The following TASOR2 variants were observed in gnomAD, a reference collection of about 807,000 sequenced individuals.
TASOR2 encodes transcription activation suppressor family member 2, also known as protein TASOR 2.
Under a neutral mutation model 199.5 loss-of-function variants are expected in TASOR2, and 84 were observed. That is an observed-to-expected ratio of 0.42 (90% CI 0.35 to 0.50). The LOEUF (loss-of-function observed/expected upper bound fraction) is 0.50. Among genes scored for constraint, TASOR2 ranks in the 20% least tolerant of loss-of-function variants. The pLI, the probability that TASOR2 is intolerant of heterozygous loss-of-function variation, is 0.02. For missense variants in TASOR2, 2,796 were observed against 2,835.9 expected, an observed-to-expected ratio of 0.99 and a Z score of 0.32; for synonymous variants, 1,103 against 1,046.6, an observed-to-expected ratio of 1.05 and a Z score of -1.04.
intron 12 of TASOR2, among the ~76,000 whole-genome samples, chr10:5,739,247 T>C (rs921793286): frequency 9.2e-5 from 14 of 152,102 alleles, no homozygotes; most frequent in Admixed American, 2.0e-4. Flanking sequence ...CTTTTTTGGG[T>C]TTTTTTGTTT....
Position 5,740,079 on chromosome 10 carries a change from G to A in TASOR2, c.1909G>A (p.Glu637Lys), listed in dbSNP as rs1836182653. The change falls in exon 13 of 21, where the codon GAA becomes AAA. Residue 637 changes from glutamate to lysine, a missense_variant. By Grantham distance (56) the Glu-to-Lys change is moderately conservative. Transcript: ENST00000328090. This position sits in a 1 kb window ranked among gnomAD's most constrained non-coding sequence, Gnocchi z 5.3. ...TAAAGCCCAGTCAGCACTTACTGAG[G>A]AAATGCTAGAATCTTCAGATGCAAG... 1 of 1,614,054 alleles carries A rather than the reference G, an allele frequency of 6.2e-7. No individual in the cohort carries two copies. The highest frequency in any genetic ancestry group is 8.5e-7 in the Non-Finnish European group (1 of 1,180,026).
At position 5,748,340 on chromosome 10, in the gene TASOR2, C is replaced by T. The variant is rs374079479; in HGVS notation, c.4919C>T (p.Ser1640Leu). ...CAGGTGAAGTCCTTGACAGCTGCCTCGGTTGATGGAGCTTATTCTACACAG... is the reference window on the plus strand; with the variant it reads ...CAGGTGAAGTCCTTGACAGCTGCCTTGGTTGATGGAGCTTATTCTACACAG... Residue 1640 changes from serine to leucine, a missense_variant, in exon 15 of 21, where the codon TCG (serine) becomes TTG (leucine). Transcript: ENST00000328090. This position sits in a 1 kb window ranked among gnomAD's most constrained non-coding sequence, Gnocchi z 5.1. 41 of 1,614,082 alleles carry T rather than the reference C, an allele frequency of 2.5e-5. 1 individual carries two copies. The South Asian group carries it at 4.0e-4, about 16-fold the overall frequency.
At chr10:5,759,034 G>A (rs764791374) in intron 18 of TASOR2, 42 bp downstream of exon 19, 278 of 1,445,566 alleles carry the variant, frequency 1.9e-4, no homozygotes, top group Non-Finnish European at 2.6e-4. Context: ...GCCCTGCTGG[G>A]GTAGCAGAGA....
intron 3 of TASOR2, among the ~76,000 whole-genome samples, chr10:5,718,495 C>T (rs12247193): frequency 0.034 from 5,212 of 151,670 alleles, 226 homozygotes; most frequent in African/African-American, 0.099. Flanking sequence ...TGCCTGTAAT[C>T]CCAGCACTTT....
chr10:5,739,839 C>T, exon 13 of TASOR2: 1 of 1,614,178 alleles, frequency 6.2e-7, no homozygotes, highest in South Asian at 1.1e-5. Flanking sequence ...GGCTAGAAAT[C>T]TTCACTGTTC....
At chr10:5,744,959 G>A (rs1003411330) in intron 14 of TASOR2, among the ~76,000 whole-genome samples, 41 of 152,290 alleles carry the variant, frequency 2.7e-4, no homozygotes, top group African/African-American at 9.1e-4. Context: ...CAAGAGATTT[G>A]GAACACAGTT....
At chr10:5,688,584 T>C (rs1836063978) in intron 1 of TASOR2, among the ~76,000 whole-genome samples, 1 of 152,122 alleles carries the variant, frequency 6.6e-6, no homozygotes, top group East Asian at 1.9e-4. Context: ...AATGAACTTC[T>C]CATGCTCTGA....
In TASOR2 at chr10:5,737,241, C is replaced by G. The variant is rs1447456657; in HGVS notation, c.1447+1695C>G. Among the ~76,000 whole-genome samples, 1 of 152,060 alleles carries G rather than the reference C, an allele frequency of 6.6e-6. No individual in the cohort carries two copies. The highest frequency in any genetic ancestry group is 6.6e-5 in the Admixed American group (1 of 15,264). On this transcript the variant is annotated intron_variant, in intron 12 of 20. Coordinates refer to ENST00000328090, the Ensembl canonical transcript of TASOR2. This position sits in a 1 kb window ranked among gnomAD's most constrained non-coding sequence, Gnocchi z 4.9. ...TCGGCCTCCCAAAGTGCTGGGATTACAGGTGTGAGCCACCACGCCCAGCCA... is the reference window on the plus strand; with the variant it reads ...TCGGCCTCCCAAAGTGCTGGGATTAGAGGTGTGAGCCACCACGCCCAGCCA...
rs199550281 is a variant in TASOR2 at position 5,742,457 on chromosome 10, A to G, written c.2688A>G (p.Lys896=). ...TCTGTGTACAAAATGAACAGAAAAA[A>G]ACTTTTGCAAGAGAGTGTGATCCAG... The change falls in exon 14 of 21, where the codon AAA becomes AAG. Residue 896 remains lysine, a synonymous_variant. Transcript: ENST00000328090. This position sits in a 1 kb window ranked among gnomAD's most constrained non-coding sequence, Gnocchi z 4.2. 6.2e-6 allele frequency: 10 copies of G among 1,614,004 alleles called. No homozygotes were observed. Among genetic ancestry groups the G allele is most frequent in the Non-Finnish European group, 8.5e-6 (10 of 1,180,018 alleles).
chr10:5,746,626 G>A (rs1468501759), exon 15 of TASOR2: 2 of 1,614,028 alleles, frequency 1.2e-6, no homozygotes, highest in African/African-American at 1.3e-5. Flanking sequence ...GACAGAAGGT[G>A]TAAATACTGC....
In TASOR2 at chr10:5,748,438, C is replaced by T; in HGVS notation, c.5017C>T (p.Pro1673Ser). 1 of 1,614,164 alleles carries T rather than the reference C, an allele frequency of 6.2e-7. No individual in the cohort carries two copies. Among genetic ancestry groups the T allele is most frequent in the Non-Finnish European group, 8.5e-7 (1 of 1,180,038 alleles). ...TGCTACATTAACCCATTATGTAAGACCAATAAATGCAGAGCCAGTGTTTCA... is the reference window on the plus strand; with the variant it reads ...TGCTACATTAACCCATTATGTAAGATCAATAAATGCAGAGCCAGTGTTTCA... Residue 1673 changes from proline (P) to serine (S), a missense_variant, in exon 15 of 21, where the codon CCA becomes TCA. Physicochemically the swap from Pro to Ser is moderately conservative, Grantham distance 74. Coordinates refer to ENST00000328090, the Ensembl canonical transcript of TASOR2. The surrounding 1 kb of genome is among the most constrained non-coding windows in gnomAD (Gnocchi z 5.1).
rs1363141843 is a variant in TASOR2, at chr10:5,710,953, A to G, written c.-287-1870A>G. On this transcript the variant is annotated intron_variant, in intron 1 of 20. Coordinates refer to ENST00000328090, the Ensembl canonical transcript of TASOR2. The surrounding 1 kb of genome is among the most constrained non-coding windows in gnomAD (Gnocchi z 4.6). Reference sequence around the variant, plus strand: ...TTTGCCAGTTTGTTTTGAGTAATGCAGCTAATAAAGCTTTAATTTTAACTC... The same window carrying G: ...TTTGCCAGTTTGTTTTGAGTAATGCGGCTAATAAAGCTTTAATTTTAACTC... Among the ~76,000 whole-genome samples the G allele has an allele frequency of 6.6e-6, 1 of 152,122 alleles. No individual in the cohort carries two copies. Among genetic ancestry groups the G allele is most frequent in the Non-Finnish European group, 1.5e-5 (1 of 67,950 alleles).
chr10:5,703,895 A>T (rs1838234041), intron 1 of TASOR2, among the ~76,000 whole-genome samples: 2 of 151,756 alleles, frequency 1.3e-5, no homozygotes, highest in African/African-American at 4.8e-5. Flanking sequence ...CTGGGTTTTC[A>T]TTCAAGGTTG....
chr10:5,686,581 A>G (rs1230130946), intron 1 of TASOR2, among the ~76,000 whole-genome samples: 1 of 152,250 alleles, frequency 6.6e-6, no homozygotes, highest in African/African-American at 2.4e-5. Flanking sequence ...GTGCTGGATA[A>G]CCATGTTGCT....
rs896845037 is a variant in TASOR2 at position 5,720,332 on chromosome 10, G to A, written c.-99-212G>A. 4.1e-6 allele frequency: 4 copies of A among 985,174 alleles called. No homozygotes were observed. The highest frequency in any genetic ancestry group is 1.1e-4 in the East Asian group (1 of 8,826). The allele number at this position is 985,174 out of a possible 1,614,324, so 61.0% of individuals were successfully genotyped here. The stretch of plus-strand genomic sequence containing the variant: ...GCCATCTTCTGGCTATGATTGCCAC[G>A]TGTCTGAAAATACTAACAAGGTTTC... On this transcript the variant is annotated intron_variant, in intron 3 of 20. Transcript: ENST00000328090. This position sits in a 1 kb window ranked among gnomAD's most constrained non-coding sequence, Gnocchi z 5.3.
chr10:5,732,178 C>G (rs951342825), intron 11 of TASOR2, among the ~76,000 whole-genome samples: 8 of 152,232 alleles, frequency 5.3e-5, no homozygotes, highest in African/African-American at 1.7e-4. Flanking sequence ...GAACATAGGA[C>G]AGCAAATCAT....
intron 3 of TASOR2, among the ~76,000 whole-genome samples, chr10:5,718,760 TCA>T (rs1670743853): frequency 4.1e-5 from 2 of 48,470 alleles, no homozygotes; most frequent in Non-Finnish European, 4.9e-5. Context: ...AAACTCTGTC[TCA>T]AAAAAAAAAA....
chr10:5,708,065 G>T (rs1171307208), intron 1 of TASOR2, among the ~76,000 whole-genome samples: 2 of 152,044 alleles, frequency 1.3e-5, no homozygotes, highest in South Asian at 2.1e-4. Flanking sequence ...AGTTCTTTTT[G>T]GGGGGAAAAT....
intron 10 of TASOR2, 49 bp downstream of exon 11, chr10:5,727,172 G>T: frequency 1.9e-6 from 3 of 1,596,966 alleles, no homozygotes; most frequent in Non-Finnish European, 2.6e-6. Flanking sequence ...GATATATTTA[G>T]TCCTCATCTG....
Sources: allele counts gnomAD v4.1 joint callset (sites outside exome capture counted in the v4.1 genomes callset), GRCh38; gene constraint gnomAD v4.1.1; non-coding constraint Gnocchi (gnomAD v3.1); transcripts MANE v1.5; gene names NCBI Gene and HGNC (gene_info 2026-07-23, HGNC 2026-07-21).